CDH12: variants seen among roughly 807,000 people sequenced by gnomAD.
The protein encoded by CDH12 is cadherin 12.
Under a neutral mutation model 74.1 loss-of-function variants are expected in CDH12, and 41 were observed. The ratio of observed to expected loss-of-function variants is 0.55; its 90% CI spans 0.43 to 0.72. The LOEUF is 0.72. CDH12 is among the 30% of genes least tolerant of loss of function. The pLI is 0.00. For missense variants in CDH12, 945 were observed against 977.2 expected (o/e 0.97, Z 0.44); for synonymous variants, 399 against 355.0 (o/e 1.12, Z -1.39).
At position 22,362,932 on chromosome 5, in the gene CDH12, G is replaced by C. The variant is rs1191600669; in HGVS notation, c.-333+42325C>G. Among the ~76,000 whole-genome samples, 4 of 123,066 alleles carry C rather than the reference G, an allele frequency of 3.3e-5. No homozygotes were observed. In the East Asian group the frequency reaches 1.2e-3, roughly 38 times the overall value. The allele number at this position is 123,066 out of a possible 152,430, so 80.7% of individuals were successfully genotyped here. A position where few individuals can be genotyped will look rare whatever the true frequency, so the allele number is the denominator to read the frequency against. On this transcript the variant is annotated intron_variant, in intron 3 of 14. Transcript: ENST00000382254. ...AACATAACACACTGGGGCCTGTTGTGGGGTGGGGGGAGGGGGGAGGGATAG... is the reference window on the plus strand; with the variant it reads ...AACATAACACACTGGGGCCTGTTGTCGGGTGGGGGGAGGGGGGAGGGATAG...
rs1747151302 is a variant in CDH12 at position 22,497,614 on chromosome 5, A to C, written c.-428+7656T>G. Among the ~76,000 whole-genome samples the C allele has an allele frequency of 6.0e-5, 9 of 149,088 alleles. No individual in the cohort carries two copies. The South Asian group carries it at 1.7e-3, about 28-fold the overall frequency. On this transcript the variant is annotated intron_variant, in intron 2 of 14. Transcript: ENST00000382254. ...CCATCAAGGTCCTTCCAATGCCCTC[A>C]AGGCCCCACTGCCTGTCGAATCTCT...
At chr5:21,855,862 G>C (rs568425386) in intron 6 of CDH12, among the ~76,000 whole-genome samples, 1 of 151,628 alleles carries the variant, frequency 6.6e-6, no homozygotes, top group South Asian at 2.1e-4. Context: ...CTAAAAGAAT[G>C]AATTACTTTT....
chr5:21,863,346 TCAAA>T (rs1751154664), intron 6 of CDH12, among the ~76,000 whole-genome samples: 1 of 152,118 alleles, frequency 6.6e-6, no homozygotes, highest in Non-Finnish European at 1.5e-5. Context: ...ATTTCTGATC[TCAAA>T]CAGAGATAAT....
intron 1 of CDH12, among the ~76,000 whole-genome samples, chr5:22,589,765 C>A (rs939128730): frequency 2.0e-5 from 3 of 152,126 alleles, no homozygotes; most frequent in Admixed American, 6.5e-5. Flanking sequence ...GTTCTCAGTT[C>A]TTTTTTCCTT....
At chr5:22,654,980 A>C (rs1561555160) in intron 1 of CDH12, among the ~76,000 whole-genome samples, 1 of 152,092 alleles carries the variant, frequency 6.6e-6, no homozygotes. Flanking sequence ...TCCAGACCAC[A>C]ATATTCAGTT....
chr5:22,508,796 C>T (rs1184000193), intron 1 of CDH12, among the ~76,000 whole-genome samples: 5 of 152,096 alleles, frequency 3.3e-5, no homozygotes, highest in Admixed American at 2.6e-4. Flanking sequence ...CTGGAGCAAA[C>T]CAATGTATGT....
chr5:21,899,892 A>G (rs181285505), intron 6 of CDH12, among the ~76,000 whole-genome samples: 3 of 152,102 alleles, frequency 2.0e-5, no homozygotes, highest in African/African-American at 4.8e-5. Flanking sequence ...ATCACTATAT[A>G]ATTTCCATTA....
At chr5:22,052,180 G>A (rs530722750) in intron 5 of CDH12, among the ~76,000 whole-genome samples, 207 of 152,158 alleles carry the variant, frequency 1.4e-3, no homozygotes, top group Non-Finnish European at 2.2e-3. Context: ...TAAAAACAAC[G>A]CTGTCTATTA....
rs1278447058 is a variant in CDH12, at chr5:22,149,747, C to T, written c.-187+62751G>A. The stretch of plus-strand genomic sequence containing the variant: ...TTGGCCTCCCAAAGTGTTGGGATTA[C>T]AGGCGTGAGCCACCACGTCTGGGTG... On this transcript the variant is annotated intron_variant, in intron 4 of 14. Transcript: ENST00000382254. Among the ~76,000 whole-genome samples the T allele has an allele frequency of 5.9e-5, 9 of 151,992 alleles. 1 individual carries two copies. Among genetic ancestry groups the T allele is most frequent in the Non-Finnish European group, 1.2e-4 (8 of 67,968 alleles).
chr5:21,845,499 C>T (rs1183094288), intron 7 of CDH12, among the ~76,000 whole-genome samples: 3 of 151,996 alleles, frequency 2.0e-5, no homozygotes, highest in Non-Finnish European at 4.4e-5. Context: ...TCTCTCAGTT[C>T]CCCCATGAAT....
At chr5:21,899,932 G>A (rs1282918335) in intron 6 of CDH12, among the ~76,000 whole-genome samples, 1 of 151,844 alleles carries the variant, frequency 6.6e-6, no homozygotes, top group East Asian at 1.9e-4. Context: ...ACTAGAAAAT[G>A]TGCTTGAAAT....
At chr5:22,651,338 G>A (rs932515227) in intron 1 of CDH12, among the ~76,000 whole-genome samples, 6 of 151,966 alleles carry the variant, frequency 3.9e-5, no homozygotes, top group Non-Finnish European at 5.9e-5. Flanking sequence ...CCCAAGATTG[G>A]GCAATTTAAA....
At position 21,755,772 on chromosome 5, in the gene CDH12, A is replaced by G. The variant is rs749124329; in HGVS notation, c.1704T>C (p.Pro568=). 6.2e-7 allele frequency: 1 copy of G among 1,614,046 alleles called. No homozygotes were observed. Among genetic ancestry groups the G allele is most frequent in the Admixed American group, 1.7e-5 (1 of 60,020 alleles). The part of the protein sequence containing the change: ...SRRQQELYFL[P]VVIEDSSYPV... Reference sequence around the variant, plus strand: ...GGTAGCTGCTGTCTTCTATTACAACAGGGAGGAAATACAACTCTTGCTGCC... The same window carrying G: ...GGTAGCTGCTGTCTTCTATTACAACGGGGAGGAAATACAACTCTTGCTGCC... The change falls in exon 14 of 15, where the codon CCT becomes CCC. Residue 568 remains proline, a synonymous_variant. Transcript: ENST00000382254.
chr5:22,473,595 A>G (rs993775930), intron 2 of CDH12, among the ~76,000 whole-genome samples: 2 of 152,132 alleles, frequency 1.3e-5, no homozygotes. Flanking sequence ...GATGGTATAA[A>G]GCTAGGCCCA....
intron 5 of CDH12, among the ~76,000 whole-genome samples, chr5:22,050,164 T>C (rs1740261511): frequency 6.6e-6 from 1 of 152,092 alleles, no homozygotes; most frequent in African/African-American, 2.4e-5. Context: ...TGGATCTTCC[T>C]ATGTAGTATC....
At chr5:22,178,984 A>G (rs1242336979) in intron 4 of CDH12, among the ~76,000 whole-genome samples, 5 of 152,244 alleles carry the variant, frequency 3.3e-5, no homozygotes, top group Non-Finnish European at 7.4e-5. Context: ...AGTGGGTCTG[A>G]GTTCAAATTG....
chr5:21,880,612 CTTCCTTCTTTCTTTCTTTCTTTCT>C (rs1195775083), intron 6 of CDH12, among the ~76,000 whole-genome samples: 17 of 69,912 alleles, frequency 2.4e-4, no homozygotes, highest in African/African-American at 3.9e-4. Flanking sequence ...TCCTTCCTTC[CTTCCTTCTTTCTTTCTTTCTTTCT>C]TTCTTTCTTT....
intron 4 of CDH12, among the ~76,000 whole-genome samples, chr5:22,182,039 C>A (rs1410269674): frequency 1.3e-5 from 2 of 152,086 alleles, no homozygotes; most frequent in Non-Finnish European, 2.9e-5. Flanking sequence ...GTATATCACT[C>A]CCCCACTCCA....
intron 3 of CDH12, among the ~76,000 whole-genome samples, chr5:22,334,454 C>A (rs542247470): frequency 2.5e-4 from 38 of 152,174 alleles, no homozygotes; most frequent in African/African-American, 8.9e-4. Context: ...AGATTCAATG[C>A]AATCCCTATG....
Sources: gnomAD v4.1 joint callset for allele counts (sites outside exome capture counted in the v4.1 genomes callset) on GRCh38, gnomAD v4.1.1 for gene constraint, MANE v1.5 for transcripts, NCBI Gene and HGNC (gene_info 2026-07-23, HGNC 2026-07-21) for gene names.